The following WDR70 variants were observed in gnomAD, a reference collection of about 807,000 sequenced individuals.
WDR70 encodes WD repeat domain 70, also known as WD repeat-containing protein 70.
Under a neutral mutation model 88.6 loss-of-function variants are expected in WDR70, and 53 were observed. That is an observed-to-expected ratio of 0.60 (90% CI 0.48 to 0.75). The LOEUF (loss-of-function observed/expected upper bound fraction) is 0.75, where lower values mean the gene tolerates loss of function less well. Among genes scored for constraint, WDR70 ranks in the 30% least tolerant of loss-of-function variants. WDR70 has a pLI of 0.00. For synonymous variants in WDR70, 280 were observed against 270.0 expected (o/e 1.04, Z -0.36); for missense variants, 610 against 823.2 (o/e 0.74, Z 3.17).
intron 5 of WDR70, among the ~76,000 whole-genome samples, chr5:37,412,319 G>C (rs963727640): frequency 1.3e-5 from 2 of 152,174 alleles, no homozygotes; most frequent in Non-Finnish European, 2.9e-5. Flanking sequence ...CCCGGGAGGT[G>C]GAGGTTGCAG....
At chr5:37,447,344 T>C (rs1249425851) in intron 7 of WDR70, among the ~76,000 whole-genome samples, 3 of 152,204 alleles carry the variant, frequency 2.0e-5, no homozygotes, top group African/African-American at 7.2e-5. Context: ...TTGGTGGGAC[T>C]GTAAACTAGT....
At chr5:37,437,069 T>A (rs1374163289) in intron 5 of WDR70, among the ~76,000 whole-genome samples, 1 of 152,154 alleles carries the variant, frequency 6.6e-6, no homozygotes, top group Admixed American at 6.5e-5. Context: ...CCCATACTCC[T>A]GTCTATGATA....
At chr5:37,462,031 T>C (rs1739021814) in intron 7 of WDR70, among the ~76,000 whole-genome samples, 1 of 152,176 alleles carries the variant, frequency 6.6e-6, no homozygotes, top group South Asian at 2.1e-4. Context: ...GATCTTTTCC[T>C]ACTAGAAATT....
chr5:37,563,476 G>A (rs1339560833), intron 9 of WDR70, among the ~76,000 whole-genome samples: 2 of 59,314 alleles, frequency 3.4e-5, no homozygotes, highest in East Asian at 4.4e-4. Flanking sequence ...CCGGGCAGAG[G>A]GGCTCCTCAC....
At chr5:37,496,949 A>G (rs1740235537) in intron 8 of WDR70, among the ~76,000 whole-genome samples, 1 of 152,220 alleles carries the variant, frequency 6.6e-6, no homozygotes, top group African/African-American at 2.4e-5. Flanking sequence ...TGTAGTGTAC[A>G]GGATTGGGGA....
intron 9 of WDR70, among the ~76,000 whole-genome samples, chr5:37,583,138 G>C (rs1318112816): frequency 6.6e-6 from 1 of 152,150 alleles, no homozygotes; most frequent in African/African-American, 2.4e-5. Flanking sequence ...TTATTTAAGA[G>C]AATAGAGGCT....
intron 10 of WDR70, among the ~76,000 whole-genome samples, chr5:37,620,248 T>G (rs552612038): frequency 6.9e-6 from 1 of 144,240 alleles, no homozygotes; most frequent in East Asian, 2.0e-4. Context: ...GAGTGGTGTT[T>G]TCACTGAGTA....
At chr5:37,540,791 C>T (rs1444897795) in intron 9 of WDR70, among the ~76,000 whole-genome samples, 1 of 152,202 alleles carries the variant, frequency 6.6e-6, no homozygotes, top group Non-Finnish European at 1.5e-5. Context: ...ACAGTTTCTG[C>T]AGTCTAGAAC....
At chr5:37,473,343 C>CTTTTTTTTT (rs70978821) in intron 7 of WDR70, among the ~76,000 whole-genome samples, 1 of 117,236 alleles carries the variant, frequency 8.5e-6, no homozygotes, top group African/African-American at 2.9e-5. Flanking sequence ...TATTCATATT[C>CTTTTTTTTT]TTTTTTTTTT....
intron 12 of WDR70, 70 bp downstream of exon 12, chr5:37,701,212 A>G: frequency 7.3e-6 from 7 of 958,932 alleles, no homozygotes; most frequent in Non-Finnish European, 1.1e-5. Context: ...CTTTAATGTT[A>G]ATTTATATCA....
chr5:37,719,848 T>C (rs527903091), intron 13 of WDR70, among the ~76,000 whole-genome samples: 7 of 147,340 alleles, frequency 4.8e-5, no homozygotes, highest in African/African-American at 1.7e-4. Flanking sequence ...TTCTTTCTTT[T>C]TTTTTTTTTT....
At chr5:37,477,748 G>T (rs1163370335) in intron 7 of WDR70, among the ~76,000 whole-genome samples, 5 of 152,146 alleles carry the variant, frequency 3.3e-5, no homozygotes, top group Non-Finnish European at 5.9e-5. Flanking sequence ...GAGACAAGGA[G>T]ATATTCTCCT....
chr5:37,543,492 C>CAT (rs753380116), intron 9 of WDR70, among the ~76,000 whole-genome samples: 42 of 150,622 alleles, frequency 2.8e-4, no homozygotes, highest in South Asian at 1.7e-3. Context: ...TGTGTGTGTG[C>CAT]ATGTATATAT....
At chr5:37,473,374 G>C (rs1341525516) in intron 7 of WDR70, among the ~76,000 whole-genome samples, 1 of 136,526 alleles carries the variant, frequency 7.3e-6, no homozygotes, top group African/African-American at 2.7e-5. Flanking sequence ...ACTGAGTTTC[G>C]CTCTTGTTGC....
chr5:37,590,887 CA>C (rs1291747615), intron 9 of WDR70, among the ~76,000 whole-genome samples: 1 of 151,618 alleles, frequency 6.6e-6, no homozygotes, highest in Non-Finnish European at 1.5e-5. Context: ...CAAAACAGAA[CA>C]AAAATCAGAG....
chr5:37,380,031 T>C (rs1748376025), intron 2 of WDR70, among the ~76,000 whole-genome samples: 1 of 152,190 alleles, frequency 6.6e-6, no homozygotes, highest in African/African-American at 2.4e-5. Flanking sequence ...GAATTAAGAA[T>C]GCCATTTTTA....
At chr5:37,586,479 A>G (rs747173309) in intron 9 of WDR70, among the ~76,000 whole-genome samples, 15 of 152,074 alleles carry the variant, frequency 9.9e-5, no homozygotes, top group Non-Finnish European at 1.9e-4. Context: ...TTAAATAGGT[A>G]TATACGTGCC....
intron 15 of WDR70, chr5:37,724,135 G>A (rs1747902443): frequency 6.6e-6 from 1 of 152,044 alleles, no homozygotes; most frequent in African/African-American, 2.4e-5. Context: ...AAAAGAAACT[G>A]CTAGTACTTT....
At chr5:37,648,948 C>A (rs1745316935) in intron 10 of WDR70, among the ~76,000 whole-genome samples, 1 of 152,050 alleles carries the variant, frequency 6.6e-6, no homozygotes, top group Non-Finnish European at 1.5e-5. Flanking sequence ...AATGGACTCA[C>A]TGATTTTCAA....
Sources: allele counts gnomAD v4.1 joint callset (sites outside exome capture counted in the v4.1 genomes callset), GRCh38; gene constraint gnomAD v4.1.1; transcripts MANE v1.5; gene names NCBI Gene and HGNC (gene_info 2026-07-23, HGNC 2026-07-21).